The following SYAP1 variants were observed in gnomAD, a reference collection of about 807,000 sequenced individuals.
SYAP1 encodes synapse-associated protein 1.
In SYAP1, 3 loss-of-function variants were observed where a neutral mutation model predicts 29.6. The observed-to-expected ratio is 0.10, with a 90% CI of 0.05 to 0.26. The LOEUF is 0.26. Ranked by LOEUF, SYAP1 falls within the 10% of genes least tolerant of loss-of-function variation. SYAP1 has a pLI of 1.00. For missense variants in SYAP1, 217 were observed against 264.1 expected (o/e 0.82, Z 1.24); for synonymous variants, 102 against 102.7 (o/e 0.99, Z 0.04).
chrX:16,755,398 C>G (rs1282680391), intron 6 of SYAP1, among the ~76,000 whole-genome samples: 2 of 109,509 alleles, frequency 1.8e-5, no homozygotes, highest in African/African-American at 6.6e-5. Flanking sequence ...CTCAAGCGAT[C>G]CTCCTGCCTC....
At chrX:16,757,701 TGACAGAGCGA>T (rs983941161) in intron 8 of SYAP1, among the ~76,000 whole-genome samples, 13 of 109,849 alleles carry the variant, frequency 1.2e-4, no homozygotes, top group African/African-American at 4.3e-4. Context: ...CCAGCCTGGG[TGACAGAGCGA>T]GACTCCGCCT....
intron 1 of SYAP1, among the ~76,000 whole-genome samples, chrX:16,720,514 G>A (rs1925936025): frequency 8.9e-6 from 1 of 112,396 alleles, no homozygotes. Flanking sequence ...GGGGGAACAA[G>A]CCCAGAGTTA....
intron 1 of SYAP1, among the ~76,000 whole-genome samples, chrX:16,723,044 G>T (rs921260321): frequency 1.3e-4 from 15 of 112,378 alleles, no homozygotes; most frequent in African/African-American, 4.8e-4. Flanking sequence ...TTTCTAAACC[G>T]CCCCTAAAAC....
intron 3 of SYAP1, among the ~76,000 whole-genome samples, chrX:16,738,049 A>G (rs369917753): frequency 1.4e-4 from 16 of 111,754 alleles, no homozygotes; most frequent in East Asian, 1.4e-3. Context: ...AGGGAGGGGA[A>G]GAGGGGAAGG....
intron 1 of SYAP1, among the ~76,000 whole-genome samples, chrX:16,723,081 G>A (rs1356105777): frequency 1.8e-5 from 2 of 111,859 alleles, no homozygotes; most frequent in Non-Finnish European, 3.8e-5. Flanking sequence ...ATGGGGAAAG[G>A]GCCACCTCCT....
In SYAP1 at chrX:16,762,178, G is replaced by C. The variant is rs1349335829; in HGVS notation, c.*1819G>C. 1 of 111,678 alleles carries C rather than the reference G, an allele frequency of 9.0e-6. No homozygotes were observed. The highest frequency in any genetic ancestry group is 1.9e-5 in the Non-Finnish European group (1 of 53,199). The allele number at this position is 111,678 out of a possible 1,213,427, so 9.2% of individuals were successfully genotyped here. On this transcript the variant is annotated 3_prime_UTR_variant, in exon 9 of 9. Coordinates refer to ENST00000380155, the MANE Select transcript of SYAP1 (RefSeq NM_032796.4). ...AAAAGAGTTTGCTGGAGGAAAAGAA[G>C]CATGTTAAATGTTTTTAAGCAGCTA...
At chrX:16,751,302 A>C (rs913416319) in intron 5 of SYAP1, among the ~76,000 whole-genome samples, 1 of 106,939 alleles carries the variant, frequency 9.4e-6, no homozygotes, top group Admixed American at 1.0e-4. Context: ...AATACAAAAA[A>C]TTAGCCAGGC....
intron 8 of SYAP1, 96 bp downstream of exon 8, chrX:16,757,405 A>C: frequency 3.2e-6 from 3 of 950,844 alleles, no homozygotes; most frequent in Non-Finnish European, 4.2e-6. Flanking sequence ...AGTGCACAAA[A>C]ATGTGTTGTA....
At chrX:16,723,881 G>A (rs1389923695) in intron 1 of SYAP1, among the ~76,000 whole-genome samples, 2 of 110,852 alleles carry the variant, frequency 1.8e-5, no homozygotes, top group African/African-American at 6.6e-5. Flanking sequence ...GGCAGCGTGG[G>A]ATTGGAGCAT....
chrX:16,751,975 C>T (rs1319371006), intron 5 of SYAP1, among the ~76,000 whole-genome samples: 5 of 56,671 alleles, frequency 8.8e-5, no homozygotes, highest in African/African-American at 4.6e-4. Flanking sequence ...TGCACCCGGC[C>T]TTTTTTTTTT....
At chrX:16,740,191 G>A (rs1926426708) in intron 3 of SYAP1, among the ~76,000 whole-genome samples, 1 of 110,978 alleles carries the variant, frequency 9.0e-6, no homozygotes, top group Admixed American at 9.7e-5. Flanking sequence ...CACCTGGCAC[G>A]GCACTTACAG....
At chrX:16,751,774 G>A (rs1236133383) in intron 5 of SYAP1, among the ~76,000 whole-genome samples, 1 of 104,721 alleles carries the variant, frequency 9.5e-6, no homozygotes, top group African/African-American at 3.5e-5. Context: ...CGCCTCCTGG[G>A]TTCAAGCAAT....
intron 4 of SYAP1, 44 bp downstream of exon 4, chrX:16,741,833 T>A: frequency 1.1e-6 from 1 of 879,189 alleles, no homozygotes; most frequent in Non-Finnish European, 1.6e-6. Context: ...CTTTCTTCTG[T>A]CATGATATAT....
At chrX:16,760,128 T>G in intron 8 of SYAP1, 104 bp from the exon 9 acceptor site, 1 of 829,375 alleles carries the variant, frequency 1.2e-6, no homozygotes, top group Non-Finnish European at 1.6e-6. Context: ...TACTAAAAAT[T>G]ACAGCAGCTA....
At chrX:16,720,379 A>C (rs1249063747) in intron 1 of SYAP1, among the ~76,000 whole-genome samples, 5 of 112,267 alleles carry the variant, frequency 4.5e-5, no homozygotes, top group Admixed American at 1.9e-4. Flanking sequence ...AATGCTTTTT[A>C]GGTACAGAGA....
intron 5 of SYAP1, among the ~76,000 whole-genome samples, chrX:16,751,125 T>TC (rs766660972): frequency 2.8e-4 from 31 of 109,383 alleles, no homozygotes; most frequent in Non-Finnish European, 5.7e-4. Context: ...CTTCTCGTTT[T>TC]CCCCCCATTC....
At chrX:16,723,536 C>T (rs1187855178) in intron 1 of SYAP1, among the ~76,000 whole-genome samples, 1 of 111,428 alleles carries the variant, frequency 9.0e-6, no homozygotes, top group Non-Finnish European at 1.9e-5. Flanking sequence ...ACTGGCTGCC[C>T]TTCTAAGTCC....
chrX:16,742,581 C>T (rs762828086), intron 4 of SYAP1, among the ~76,000 whole-genome samples: 10 of 111,648 alleles, frequency 9.0e-5, no homozygotes, highest in Non-Finnish European at 1.1e-4. Context: ...AGCCACCATG[C>T]GCTGCCAAAA....
intron 4 of SYAP1, 74 bp from the exon 5 acceptor site, chrX:16,743,625 CAA>C (rs371508958): frequency 1.9e-3 from 1,589 of 846,364 alleles, no homozygotes; most frequent in Middle Eastern, 3.4e-3. Flanking sequence ...CAACCCGTCT[CAA>C]AAAAAAAAAA....
Sources: gnomAD v4.1 joint callset for allele counts (sites outside exome capture counted in the v4.1 genomes callset) on GRCh38, gnomAD v4.1.1 for gene constraint, MANE v1.5 for transcripts, NCBI Gene and HGNC (gene_info 2026-07-23, HGNC 2026-07-21) for gene names.